BCL11A: variants seen among roughly 807,000 people sequenced by gnomAD.
BCL11A encodes the protein BCL11 transcription factor A, also known as B cell CLL/lymphoma 11A.
Under a neutral mutation model 55.9 loss-of-function variants are expected in BCL11A, and 2 were observed. The ratio of observed to expected loss-of-function variants is 0.04; its 90% CI spans 0.01 to 0.11. The LOEUF (loss-of-function observed/expected upper bound fraction) is 0.11, where lower values mean the gene tolerates loss of function less well. Among genes scored for constraint, BCL11A ranks in the 10% least tolerant of loss-of-function variants. BCL11A has a pLI of 1.00. For missense variants in BCL11A, 817 were observed against 1,137.1 expected, an observed-to-expected ratio of 0.72 and a Z score of 4.05; for synonymous variants, 465 against 473.4, an observed-to-expected ratio of 0.98 and a Z score of 0.23.
chr2:60,482,464 G>A (rs1019561623), intron 2 of BCL11A, among the ~76,000 whole-genome samples: 1 of 152,168 alleles, frequency 6.6e-6, no homozygotes, highest in Non-Finnish European at 1.5e-5. Context: ...AGTGGGAAAG[G>A]GGCATGTGAC....
chr2:60,552,477 G>C (rs1221421952), intron 1 of BCL11A, among the ~76,000 whole-genome samples: 1 of 152,016 alleles, frequency 6.6e-6, no homozygotes, highest in Non-Finnish European at 1.5e-5. Context: ...CGGCACAAAA[G>C]GCAGCGGGAC....
At chr2:60,478,498 G>A (rs561076802) in intron 2 of BCL11A, among the ~76,000 whole-genome samples, 7 of 152,240 alleles carry the variant, frequency 4.6e-5, no homozygotes, top group Non-Finnish European at 8.8e-5. Context: ...CAGGGGAAGC[G>A]TGGAAGGCAC....
intron 2 of BCL11A, chr2:60,499,871 C>T (rs1419333553): frequency 1.3e-5 from 2 of 152,364 alleles, no homozygotes. Context: ...CCTCAAGCCC[C>T]ATGTGCAGCT....
intron 2 of BCL11A, among the ~76,000 whole-genome samples, chr2:60,475,662 G>A (rs1261507775): frequency 6.6e-6 from 1 of 152,166 alleles, no homozygotes; most frequent in Non-Finnish European, 1.5e-5. Flanking sequence ...AAGCCATGGG[G>A]AGGATAGGGG....
Position 60,541,225 on chromosome 2 carries a change from TTTATA to T in BCL11A, c.385+4741_385+4745del, listed in dbSNP as rs1189822771. On this transcript the variant is annotated intron_variant, in intron 2 of 3. Coordinates refer to ENST00000642384, the MANE Select transcript of BCL11A (RefSeq NM_022893.4). ...ACGTGGACCTATTCTCAAAACATTA[TTTATA>T]AAAGATGACTAGGAAAATGCACAAT... is the stretch of plus-strand genomic sequence containing the variant. Among the ~76,000 whole-genome samples the T allele has an allele frequency of 1.0e-4, 10 of 97,770 alleles. No homozygotes were observed. In the Admixed American group the frequency reaches 1.1e-3, roughly 11 times the overall value. 64.1% of individuals were successfully genotyped at this position (97,770 alleles called of 152,430 possible).
intron 3 of BCL11A, among the ~76,000 whole-genome samples, chr2:60,464,273 G>A (rs137999945): frequency 1.3e-5 from 2 of 152,280 alleles, no homozygotes; most frequent in East Asian, 1.9e-4. Flanking sequence ...GAAAGAAAAC[G>A]CTGACATTAG....
chr2:60,493,414 C>A (rs181894611), intron 2 of BCL11A, among the ~76,000 whole-genome samples: 90 of 152,238 alleles, frequency 5.9e-4, no homozygotes, highest in Non-Finnish European at 9.7e-4. Context: ...AGGCTGCCCC[C>A]CTCCCACCCC....
intron 2 of BCL11A, among the ~76,000 whole-genome samples, chr2:60,518,056 C>T (rs1573045068): frequency 6.6e-6 from 1 of 152,118 alleles, no homozygotes; most frequent in East Asian, 1.9e-4. Context: ...ATTTGGAAGG[C>T]CACAGAGGGA....
At chr2:60,526,374 C>G (rs556130514) in intron 2 of BCL11A, 1 of 152,308 alleles carries the variant, frequency 6.6e-6, no homozygotes, top group East Asian at 1.9e-4. Context: ...ATAAGACAAA[C>G]AAAGCAGCAT....
intron 2 of BCL11A, among the ~76,000 whole-genome samples, chr2:60,502,824 T>C (rs1230889539): frequency 2.0e-5 from 3 of 152,222 alleles, no homozygotes; most frequent in Admixed American, 6.5e-5. Context: ...CCAGAAACTA[T>C]GTGACCAGGG....
intron 2 of BCL11A, chr2:60,537,279 A>G (rs1360635646): frequency 6.6e-6 from 1 of 152,216 alleles, no homozygotes; most frequent in Non-Finnish European, 1.5e-5. Context: ...TTTAAATGTA[A>G]AGGAATAATT....
intron 2 of BCL11A, among the ~76,000 whole-genome samples, chr2:60,502,182 A>G (rs1226571973): frequency 3.9e-5 from 6 of 152,246 alleles, no homozygotes; most frequent in Admixed American, 3.9e-4. Context: ...GATACTTATC[A>G]AAGCAACAAT....
chr2:60,458,113 A>G lies in BCL11A; in HGVS notation c.*2291T>C. On this transcript the variant is annotated 3_prime_UTR_variant, in exon 4 of 4. Coordinates refer to ENST00000642384, the MANE Select transcript of BCL11A (RefSeq NM_022893.4). ...AACAGTTAAAAATACAAGCTTCAAT[A>G]TAAATACTATAGTGCCTAACACTAG... is the stretch of plus-strand genomic sequence containing the variant. 1 of 1,031,542 alleles carries G rather than the reference A, an allele frequency of 9.7e-7. No homozygotes were observed. Among genetic ancestry groups the G allele is most frequent in the Non-Finnish European group, 1.2e-6 (1 of 857,054 alleles). 63.9% of individuals were successfully genotyped at this position (1,031,542 alleles called of 1,614,324 possible).
rs766683049 is a variant in BCL11A, at chr2:60,461,466, G to A, written c.1446C>T (p.Asn482=). Reference sequence around the variant, plus strand: ...CGTCCTCCTCTTCCTCCTCGTCCCCGTTCTCCGGGATCAGGTTGGGGTCGT... The same window carrying A: ...CGTCCTCCTCTTCCTCCTCGTCCCCATTCTCCGGGATCAGGTTGGGGTCGT... ...SENDPNLIPE[N]GDEEEEEDDE... Residue 482 remains asparagine (N), a synonymous_variant, in exon 4 of 4, where the codon AAC becomes AAT. Transcript: ENST00000642384. 2 of 1,604,188 alleles carry A rather than the reference G, an allele frequency of 1.2e-6. No homozygotes were observed. The highest frequency in any genetic ancestry group is 2.2e-5 in the South Asian group (2 of 90,982).
At chr2:60,514,391 T>C (rs925325438) in intron 2 of BCL11A, among the ~76,000 whole-genome samples, 1 of 151,276 alleles carries the variant, frequency 6.6e-6, no homozygotes, top group Non-Finnish European at 1.5e-5. Flanking sequence ...GTGCGGTGGC[T>C]CACACCTGTA....
chr2:60,542,547 A>G (rs1428296484), intron 2 of BCL11A: 1 of 152,242 alleles, frequency 6.6e-6, no homozygotes, highest in African/African-American at 2.4e-5. Context: ...ATAAGCTGCT[A>G]ATTCCCAGCT....
chr2:60,553,163 T>G, intron 1 of BCL11A, 53 bp downstream of exon 1: 2 of 1,550,444 alleles, frequency 1.3e-6, no homozygotes, highest in Non-Finnish European at 1.7e-6. Flanking sequence ...CTTCTAGTCC[T>G]GCGCGCTCTC....
At position 60,505,037 on chromosome 2, in the gene BCL11A, G is replaced by A. The variant is rs535927344; in HGVS notation, c.386-36204C>T. ...CTACCCCTGCGGCTGCATGAGACCA[G>A]ACCTGCCATTTAACCTCTCTAAGCT... On this transcript the variant is annotated intron_variant, in intron 2 of 3. Transcript: ENST00000642384. Among the ~76,000 whole-genome samples, 3 of 152,204 alleles carry A rather than the reference G, an allele frequency of 2.0e-5. No homozygotes were observed. In the South Asian group the frequency reaches 6.2e-4, roughly 32 times the overall value.
intron 2 of BCL11A, among the ~76,000 whole-genome samples, chr2:60,481,873 T>C (rs2104189633): frequency 6.6e-6 from 1 of 152,212 alleles, no homozygotes; most frequent in Admixed American, 6.5e-5. Context: ...GGAAAGTGAA[T>C]GGGGAAAAGC....
Sources: allele counts gnomAD v4.1 joint callset (sites outside exome capture counted in the v4.1 genomes callset), GRCh38; gene constraint gnomAD v4.1.1; transcripts MANE v1.5; gene names NCBI Gene and HGNC (gene_info 2026-07-23, HGNC 2026-07-21).